The following NYNRIN variants were observed in gnomAD, a reference collection of about 807,000 sequenced individuals.
NYNRIN encodes protein NYNRIN.
NYNRIN carries 86 observed loss-of-function variants against 146.6 expected under a neutral mutation model. That is an observed-to-expected ratio of 0.59 (90% confidence interval 0.49 to 0.70). The LOEUF is 0.70. Ranked by LOEUF, NYNRIN falls within the 30% of genes least tolerant of loss-of-function variation. The pLI is 0.00. For synonymous variants in NYNRIN, 1,027 were observed against 1,001.3 expected (o/e 1.03, Z -0.48); for missense variants, 2,191 against 2,377.7 (o/e 0.92, Z 1.63).
intron 2 of NYNRIN, among the ~76,000 whole-genome samples, chr14:24,404,391 T>C (rs919100285): frequency 6.6e-6 from 1 of 152,214 alleles, no homozygotes; most frequent in African/African-American, 2.4e-5. Context: ...TTGAAACGTA[T>C]GTATTCTATT....
chr14:24,416,491 A>T lies in NYNRIN; in HGVS notation c.4742A>T (p.Asp1581Val), dbSNP rs1003476713. Residue 1581 changes from aspartate to valine, a missense_variant, in exon 9 of 9, where the codon GAT becomes GTT. Asp to Val is a radical substitution (Grantham distance 152). Transcript: ENST00000382554. ...WWPGMQEHVK[D>V]YCRSCLFCIP... ...CCTGGGATGCAGGAGCATGTGAAAGATTACTGCAGGAGCTGCTTGTTCTGC... is the reference window on the plus strand; with the variant it reads ...CCTGGGATGCAGGAGCATGTGAAAGTTTACTGCAGGAGCTGCTTGTTCTGC... 3 of 1,613,486 alleles carry T rather than the reference A, an allele frequency of 1.9e-6. No homozygotes were observed. In the African/African-American group the frequency reaches 4.0e-5, roughly 22 times the overall value.
intron 8 of NYNRIN, 53 bp from the exon 9 acceptor site, chr14:24,414,543 G>C: frequency 6.6e-7 from 1 of 1,524,208 alleles, no homozygotes; most frequent in South Asian, 1.3e-5. Context: ...TTTCCCTTTG[G>C]AGGATTGCTC....
At position 24,399,039 on chromosome 14, in the gene NYNRIN, G is replaced by A; in HGVS notation, c.-65G>A. On this transcript the variant is annotated 5_prime_UTR_variant, in exon 1 of 9. Transcript: ENST00000382554. The stretch of plus-strand genomic sequence containing the variant: ...AGGAAGAGCTCGTCGCGGTAGCAGC[G>A]GTCGAAGGGGACCAAGCTCCAGAGG... 1.9e-6 allele frequency: 1 copy of A among 516,708 alleles called. No individual in the cohort carries two copies. The allele number at this position is 516,708 out of a possible 1,614,324, so 32.0% of individuals were successfully genotyped here. A position where few individuals can be genotyped will look rare whatever the true frequency, so the allele number is the denominator to read the frequency against.
At position 24,416,776 on chromosome 14, in the gene NYNRIN, G is replaced by A. The variant is rs1418431453; in HGVS notation, c.5027G>A (p.Arg1676Lys). 7.4e-6 allele frequency: 12 copies of A among 1,613,508 alleles called. No homozygotes were observed. Among genetic ancestry groups the A allele is most frequent in the Non-Finnish European group, 9.3e-6 (11 of 1,179,790 alleles). The change falls in exon 9 of 9, where the codon AGG becomes AAG. Residue 1676 changes from arginine to lysine, a missense_variant. Physicochemically the swap from Arg to Lys is conservative, Grantham distance 26. Around this residue, in one of 3 missense-constraint regions of NYNRIN, gnomAD observed 1,291 missense variants for 1,417.0 expected, o/e 0.91. Transcript: ENST00000382554. ...TTTGCAAGGTGGGGTGTTCCTGTGA[G>A]GCTGGAGGCAGCCCAGGGGCCCCAG... ...HVFARWGVPV[R>K]LEAAQGPQFA...
rs2042950988 is a variant in NYNRIN, at chr14:24,416,804, T to C, written c.5055T>C (p.Phe1685=). The C allele has an allele frequency of 6.2e-7, 1 of 1,612,436 alleles. No individual in the cohort carries two copies. The highest frequency in any genetic ancestry group is 8.5e-7 in the Non-Finnish European group (1 of 1,179,144). Residue 1685 remains phenylalanine, a synonymous_variant, in exon 9 of 9, where the codon TTT becomes TTC. Transcript: ENST00000382554. ...VRLEAAQGPQ[F]ARHVLVSCGL... is the part of the protein sequence containing the mutation. ...TGGAGGCAGCCCAGGGGCCCCAGTT[T>C]GCCCGGCACGTCCTTGTGAGCTGTG... is the stretch of plus-strand genomic sequence containing the variant.
chr14:24,409,246 C>T lies in NYNRIN; in HGVS notation c.1452C>T (p.Thr484=). ...TCCCACAGATAGGGCCACCCTTGAC[C>T]TCTACACCCCAACTACAGGCTGGAG... is the stretch of plus-strand genomic sequence containing the variant. The part of the protein sequence containing the change: ...SDLPQIGPPL[T]STPQLQAGGE... The change falls in exon 4 of 9, where the codon ACC becomes ACT. Residue 484 remains threonine (T), a synonymous_variant. Coordinates refer to ENST00000382554, the MANE Select transcript of NYNRIN (RefSeq NM_025081.3). 1.2e-6 allele frequency: 2 copies of T among 1,613,422 alleles called. No homozygotes were observed. The highest frequency in any genetic ancestry group is 8.5e-7 in the Non-Finnish European group (1 of 1,179,638).
rs914365323 is a variant in NYNRIN, at chr14:24,411,347, C to A, written c.2546-7C>A. 6.2e-7 allele frequency: 1 copy of A among 1,613,782 alleles called. No individual in the cohort carries two copies. The highest frequency in any genetic ancestry group is 1.3e-5 in the African/African-American group (1 of 75,028). On this transcript the variant is annotated splice_region_variant and splice_polypyrimidine_tract_variant and intron_variant, in intron 5 of 8. Transcript: ENST00000382554. This position sits in a 1 kb window ranked among gnomAD's most constrained non-coding sequence, Gnocchi z 4.3. ...GACCATTTCTGTCTTCTGCCTTTCA[C>A]CCCCAGAGAGCCACTTTCTGACGAA...
Position 24,413,066 on chromosome 14 carries a change from G to T in NYNRIN, c.2712G>T (p.Met904Ile). 1 of 1,598,080 alleles carries T rather than the reference G, an allele frequency of 6.3e-7. No individual in the cohort carries two copies. Among genetic ancestry groups the T allele is most frequent in the Non-Finnish European group, 8.5e-7 (1 of 1,172,074 alleles). Residue 904 changes from methionine (M) to isoleucine (I), a missense_variant, in exon 7 of 9, where the codon ATG becomes ATT. Met to Ile is a conservative substitution (Grantham distance 10). Coordinates refer to ENST00000382554, the MANE Select transcript of NYNRIN (RefSeq NM_025081.3). ...CCAATGAGCAGATTCACATCCTGATGAATAGTTCCAAGAAACTGATGGTCA... is the reference window on the plus strand; with the variant it reads ...CCAATGAGCAGATTCACATCCTGATTAATAGTTCCAAGAAACTGATGGTCA... ...IVTNEQIHIL[M>I]NSSKKLMVKD... is the part of the protein sequence containing the mutation.
chr14:24,418,384 T>G lies in NYNRIN; in HGVS notation c.*938T>G. 2.4e-6 allele frequency: 1 copy of G among 412,762 alleles called. No individual in the cohort carries two copies. The highest frequency in any genetic ancestry group is 4.8e-6 in the Non-Finnish European group (1 of 208,054). 25.6% of individuals were successfully genotyped at this position (412,762 alleles called of 1,614,324 possible). ...TACCTCCCAACCCCTCCCAACCCCA[T>G]CCCAAAGCCTACAGTCCTCTGCTCC... On this transcript the variant is annotated 3_prime_UTR_variant, in exon 9 of 9. Coordinates refer to ENST00000382554, the MANE Select transcript of NYNRIN (RefSeq NM_025081.3).
rs775869293 is a variant in NYNRIN at position 24,416,299 on chromosome 14, A to G, written c.4550A>G (p.Asp1517Gly). ...FSSAFNSLSL[D>G]KESGLLMFKG... The stretch of plus-strand genomic sequence containing the variant: ...TCTGCCTTTAACTCACTCAGCCTCG[A>G]CAAGGAGAGTGGCCTGCTTATGTTC... The change falls in exon 9 of 9, where the codon GAC becomes GGC. Residue 1517 changes from aspartate (D) to glycine (G), a missense_variant. By Grantham distance (94) the Asp-to-Gly change is moderately conservative. Transcript: ENST00000382554. 3 of 1,613,768 alleles carry G rather than the reference A, an allele frequency of 1.9e-6. No homozygotes were observed. Among genetic ancestry groups the G allele is most frequent in the Admixed American group, 3.3e-5 (2 of 59,988 alleles).
Position 24,416,775 on chromosome 14 carries a change from A to G in NYNRIN, c.5026A>G (p.Arg1676Gly), listed in dbSNP as rs2042950745. The change falls in exon 9 of 9, where the codon AGG becomes GGG. Residue 1676 changes from arginine (R) to glycine (G), a missense_variant. Around this residue, in one of 3 missense-constraint regions of NYNRIN, gnomAD observed 1,291 missense variants for 1,417.0 expected, o/e 0.91. Coordinates refer to ENST00000382554, the MANE Select transcript of NYNRIN (RefSeq NM_025081.3). ...HVFARWGVPV[R>G]LEAAQGPQFA... ...GTTTGCAAGGTGGGGTGTTCCTGTG[A>G]GGCTGGAGGCAGCCCAGGGGCCCCA... 1 of 1,613,440 alleles carries G rather than the reference A, an allele frequency of 6.2e-7. No individual in the cohort carries two copies. Among genetic ancestry groups the G allele is most frequent in the African/African-American group, 1.3e-5 (1 of 74,912 alleles).
At chr14:24,407,400 C>G (rs548681928) in intron 2 of NYNRIN, among the ~76,000 whole-genome samples, 4 of 152,186 alleles carry the variant, frequency 2.6e-5, no homozygotes, top group Non-Finnish European at 4.4e-5. Flanking sequence ...TAACTTGCCA[C>G]AGGTTGCATA....
At position 24,411,371 on chromosome 14, in the gene NYNRIN, A is replaced by C; in HGVS notation, c.2563A>C (p.Lys855Gln). Reference protein sequence around the residue: ...RRVRESHFLTKLHSLKMLSIT... With the variant: ...RRVRESHFLTQLHSLKMLSIT... ...ACCCCCAGAGAGCCACTTTCTGACG[A>C]AGCTACACTCGCTCAAGATGCTTTC... is the stretch of plus-strand genomic sequence containing the variant. The change falls in exon 6 of 9, where the codon AAG (lysine) becomes CAG (glutamine). Residue 855 changes from lysine (K) to glutamine (Q), a missense_variant. Around this residue, in one of 3 missense-constraint regions of NYNRIN, gnomAD observed 1,291 missense variants for 1,417.0 expected, o/e 0.91. Transcript: ENST00000382554. The surrounding 1 kb of genome is among the most constrained non-coding windows in gnomAD (Gnocchi z 4.3). The C allele has an allele frequency of 6.2e-7, 1 of 1,613,928 alleles. No homozygotes were observed. Among genetic ancestry groups the C allele is most frequent in the Non-Finnish European group, 8.5e-7 (1 of 1,179,874 alleles).
chr14:24,399,505 C>G, intron 2 of NYNRIN, 61 bp downstream of exon 2: 2 of 1,407,544 alleles, frequency 1.4e-6, no homozygotes, highest in Admixed American at 2.1e-5. Flanking sequence ...CTCCCCTTCC[C>G]CTGGGGAGAT....
chr14:24,409,885 C>T lies in NYNRIN; in HGVS notation c.2091C>T (p.Ala697=), dbSNP rs201092320. ...PTDAGPTLDV[A]RLLSEVQPTS... ...ATGCAGGGCCAACCTTGGATGTAGC[C>T]AGACTTCTGAGTGAGGTCCAGCCTA... Residue 697 remains alanine, a synonymous_variant, in exon 4 of 9, where the codon GCC becomes GCT. Transcript: ENST00000382554. The T allele has an allele frequency of 5.0e-6, 8 of 1,613,472 alleles. No homozygotes were observed. Among genetic ancestry groups the T allele is most frequent in the Non-Finnish European group, 6.8e-6 (8 of 1,179,686 alleles).
At position 24,411,240 on chromosome 14, in the gene NYNRIN, T is replaced by C. The variant is rs1327968947; in HGVS notation, c.2545+34T>C. On this transcript the variant is annotated intron_variant, in intron 5 of 8. Transcript: ENST00000382554. The surrounding 1 kb of genome is among the most constrained non-coding windows in gnomAD (Gnocchi z 4.3). Reference sequence around the variant, plus strand: ...TCCCCTGCCTGCCCAGCCTCCACAGTGTCACCAAGCTTTCTTCTCTCTGCC... The same window carrying C: ...TCCCCTGCCTGCCCAGCCTCCACAGCGTCACCAAGCTTTCTTCTCTCTGCC... 1.9e-6 allele frequency: 3 copies of C among 1,610,322 alleles called. No individual in the cohort carries two copies. Among genetic ancestry groups the C allele is most frequent in the African/African-American group, 2.7e-5 (2 of 74,602 alleles).
In NYNRIN at chr14:24,414,981, G is replaced by T. The variant is rs772918278; in HGVS notation, c.3232G>T (p.Val1078Phe). The change falls in exon 9 of 9, where the codon GTT becomes TTT. Residue 1078 changes from valine (V) to phenylalanine (F), a missense_variant. Val to Phe is a conservative substitution (Grantham distance 50). Around this residue, in one of 3 missense-constraint regions of NYNRIN, gnomAD observed 1,291 missense variants for 1,417.0 expected, o/e 0.91. Transcript: ENST00000382554. ...GGATGGAAAGGCTCCCTGCCAGCAG[G>T]TTCTTGCCCACCTGGCCCAGCTCAC... ...PWDGKAPCQQ[V>F]LAHLAQLTIP... The T allele has an allele frequency of 6.3e-7, 1 of 1,596,514 alleles. No homozygotes were observed. The highest frequency in any genetic ancestry group is 8.6e-7 in the Non-Finnish European group (1 of 1,167,272).
At chr14:24,405,612 A>G (rs555952905) in intron 2 of NYNRIN, among the ~76,000 whole-genome samples, 4 of 152,272 alleles carry the variant, frequency 2.6e-5, no homozygotes, top group East Asian at 3.9e-4. Context: ...CCTCTACAGT[A>G]TAGACGGCAT....
At position 24,417,128 on chromosome 14, in the gene NYNRIN, G is replaced by C. The variant is rs1163044470; in HGVS notation, c.5379G>C (p.Leu1793=). The change falls in exon 9 of 9, where the codon CTG becomes CTC. Residue 1793 remains leucine (L), a synonymous_variant. Transcript: ENST00000382554. ...GLKMDVFLLQ[L]VGELLELHWR... is the part of the protein sequence containing the mutation. ...AGATGGACGTCTTCCTGCTACAGCTGGTGGGGGAGCTGCTGGAGCTCCACT... is the reference window on the plus strand; with the variant it reads ...AGATGGACGTCTTCCTGCTACAGCTCGTGGGGGAGCTGCTGGAGCTCCACT... 1 of 1,613,856 alleles carries C rather than the reference G, an allele frequency of 6.2e-7. No homozygotes were observed. The highest frequency in any genetic ancestry group is 1.3e-5 in the African/African-American group (1 of 74,934).
Sources: allele counts gnomAD v4.1 joint callset (sites outside exome capture counted in the v4.1 genomes callset), GRCh38; gene constraint gnomAD v4.1.1; regional missense constraint gnomAD v4.1.1; non-coding constraint Gnocchi (gnomAD v3.1); transcripts MANE v1.5; gene names NCBI Gene and HGNC (gene_info 2026-07-23, HGNC 2026-07-21).